The following STRBP variants were observed in gnomAD, a reference collection of about 807,000 sequenced individuals.
The protein encoded by STRBP is spermatid perinuclear RNA binding protein, also known as spermatid perinuclear RNA-binding protein.
Under a neutral mutation model 80.1 loss-of-function variants are expected in STRBP, and 13 were observed. That is an observed-to-expected ratio of 0.16 (90% confidence interval 0.11 to 0.26). STRBP has a LOEUF of 0.26. Ranked by LOEUF, STRBP falls within the 10% of genes least tolerant of loss-of-function variation. The probability of loss-of-function intolerance (pLI) is 1.00; values close to 1 mark genes in which losing one functional copy is unlikely to be tolerated. For missense variants in STRBP, 485 were observed against 815.2 expected, an observed-to-expected ratio of 0.59 and a Z score of 4.93; for synonymous variants, 284 against 291.2, an observed-to-expected ratio of 0.98 and a Z score of 0.25.
At chr9:123,261,171 G>A (rs540056794) in intron 1 of STRBP, among the ~76,000 whole-genome samples, 3 of 152,274 alleles carry the variant, frequency 2.0e-5, no homozygotes, top group East Asian at 1.9e-4. Context: ...TCCACCCAGT[G>A]CCAGTACTTT....
chr9:123,168,677 G>C (rs2037875417), intron 6 of STRBP, among the ~76,000 whole-genome samples: 1 of 152,188 alleles, frequency 6.6e-6, no homozygotes, highest in African/African-American at 2.4e-5. Context: ...AATAGCAACA[G>C]GGAGTCCCCA....
intron 14 of STRBP, among the ~76,000 whole-genome samples, chr9:123,139,024 C>G (rs1042625893): frequency 6.6e-6 from 1 of 152,148 alleles, no homozygotes; most frequent in Non-Finnish European, 1.5e-5. Context: ...AAGTTCCAGT[C>G]GGGACTTAAT....
intron 6 of STRBP, among the ~76,000 whole-genome samples, chr9:123,163,884 A>C (rs991928618): frequency 2.6e-5 from 4 of 152,170 alleles, no homozygotes; most frequent in Admixed American, 1.3e-4. Flanking sequence ...CTGATAACAC[A>C]TCTTGGAGTT....
At chr9:123,205,218 T>C (rs1210489705) in intron 2 of STRBP, among the ~76,000 whole-genome samples, 1 of 151,866 alleles carries the variant, frequency 6.6e-6, no homozygotes, top group East Asian at 1.9e-4. Flanking sequence ...GTGAGCCGAG[T>C]TTGCACCACT....
At chr9:123,129,033 A>T in intron 17 of STRBP, among the ~76,000 whole-genome samples, 1 of 152,198 alleles carries the variant, frequency 6.6e-6, no homozygotes. Context: ...CTTTTAGTAA[A>T]ACAGCTTAGA....
intron 2 of STRBP, among the ~76,000 whole-genome samples, chr9:123,192,453 AC>A (rs985529918): frequency 2.6e-4 from 39 of 152,310 alleles, no homozygotes; most frequent in African/African-American, 9.1e-4. Context: ...TTAAACTCAA[AC>A]AAAGGGCTGG....
At chr9:123,236,283 T>C (rs986654545) in intron 2 of STRBP, among the ~76,000 whole-genome samples, 2 of 152,214 alleles carry the variant, frequency 1.3e-5, no homozygotes, top group Non-Finnish European at 2.9e-5. Flanking sequence ...AAACATTAAG[T>C]GCCCCAATAT....
chr9:123,116,030 C>T (rs1253641136), exon 3 of STRBP: 2 of 456,124 alleles, frequency 4.4e-6, no homozygotes, highest in African/African-American at 4.0e-5. Flanking sequence ...TCCTGAGTTC[C>T]CCAGGTGCCA....
chr9:123,153,611 G>C (rs910480383), intron 11 of STRBP, among the ~76,000 whole-genome samples: 21 of 152,196 alleles, frequency 1.4e-4, no homozygotes, highest in African/African-American at 5.1e-4. Context: ...CAATGACTGG[G>C]ACAGGGATAA....
At chr9:123,128,069 A>C in intron 18 of STRBP, 145 bp downstream of exon 18, 1 of 1,013,186 alleles carries the variant, frequency 9.9e-7, no homozygotes, top group Non-Finnish European at 1.5e-6. Context: ...AGGTTGTGGC[A>C]TTTTCAAAAG....
Position 123,124,713 on chromosome 9 carries a change from T to C in STRBP, c.*884A>G, listed in dbSNP as rs1468188721. The C allele has an allele frequency of 1.0e-6, 1 of 984,286 alleles. No individual in the cohort carries two copies. Among genetic ancestry groups the C allele is most frequent in the South Asian group, 4.7e-5 (1 of 21,282 alleles). 61.0% of individuals were successfully genotyped at this position (984,286 alleles called of 1,614,324 possible). A position where few individuals can be genotyped will look rare whatever the true frequency, so the allele number is the denominator to read the frequency against. On this transcript the variant is annotated 3_prime_UTR_variant, in exon 19 of 19. Transcript: ENST00000348403. ...AGGCCACAAGAACAAGAGAGGGTGA[T>C]TGATTGATTAATTTATTATTTTTAA...
rs541382596 is a variant in STRBP, at chr9:123,169,851, AAAC to A, written c.535+48_535+50del. 1.0e-3 allele frequency: 1,150 copies of A among 1,115,374 alleles called. 7 individuals carry two copies. In the African/African-American group the frequency reaches 0.017, roughly 16 times the overall value. 69.1% of individuals were successfully genotyped at this position (1,115,374 alleles called of 1,614,324 possible). On this transcript the variant is annotated intron_variant, in intron 6 of 18. Transcript: ENST00000348403. ...AACATAGCTTTTATATGAAGAAAAC[AAAC>A]AACAACAACAAATATATACATATAT... is the stretch of plus-strand genomic sequence containing the variant.
At chr9:123,194,469 T>C (rs1180819682) in intron 2 of STRBP, among the ~76,000 whole-genome samples, 1 of 152,146 alleles carries the variant, frequency 6.6e-6, no homozygotes, top group Non-Finnish European at 1.5e-5. Context: ...TTCCCACATG[T>C]TGTAATAGCA....
In STRBP at chr9:123,217,671, A is replaced by C. The variant is rs199501343; in HGVS notation, c.-165+19159T>G. Reference sequence around the variant, plus strand: ...ACCTCCCTTAAAACTATAATTAGCTACTAGTTAGGTTATTTTCAATAAAGG... The same window carrying C: ...ACCTCCCTTAAAACTATAATTAGCTCCTAGTTAGGTTATTTTCAATAAAGG... On this transcript the variant is annotated intron_variant, in intron 2 of 18. Coordinates refer to ENST00000348403, the MANE Select transcript of STRBP (RefSeq NM_018387.5). Among the ~76,000 whole-genome samples the C allele has an allele frequency of 2.0e-5, 3 of 152,334 alleles. No individual in the cohort carries two copies. In the East Asian group the frequency reaches 5.8e-4, roughly 29 times the overall value.
intron 6 of STRBP, among the ~76,000 whole-genome samples, chr9:123,166,791 C>T (rs78473888): frequency 2.5e-5 from 3 of 120,154 alleles, no homozygotes; most frequent in Non-Finnish European, 1.7e-5. Context: ...ACAACAACAA[C>T]AAAAAAACAA....
At chr9:123,240,470 ATTTTCTCACAAAAAGTAG>A (rs2040670700) in intron 1 of STRBP, among the ~76,000 whole-genome samples, 1 of 152,180 alleles carries the variant, frequency 6.6e-6, no homozygotes, top group South Asian at 2.1e-4. Context: ...TCACTAGCTA[ATTTTCTCACAAAAAGTAG>A]TTTCTATTAT....
In STRBP at chr9:123,115,760, G is replaced by C. The variant is rs1193091087; in HGVS notation, c.*84+169C>G. 8.9e-6 allele frequency: 3 copies of C among 336,918 alleles called. No individual in the cohort carries two copies. Among genetic ancestry groups the C allele is most frequent in the African/African-American group, 2.2e-5 (1 of 46,498 alleles). 20.9% of individuals were successfully genotyped at this position (336,918 alleles called of 1,614,324 possible). A position where few individuals can be genotyped will look rare whatever the true frequency, so the allele number is the denominator to read the frequency against. On this transcript the variant is annotated intron_variant and NMD_transcript_variant, in intron 3 of 3. Coordinates refer to the STRBP transcript ENST00000471564. The surrounding 1 kb of genome is among the most constrained non-coding windows in gnomAD (Gnocchi z 5.0). ...CGTCCACACAACCGGCTTCTTGCTT[G>C]AACATGCTGGTTACAGGGAGCTCAT...
chr9:123,127,174 C>T (rs2035928345), intron 18 of STRBP, among the ~76,000 whole-genome samples: 1 of 152,206 alleles, frequency 6.6e-6, no homozygotes, highest in South Asian at 2.1e-4. Flanking sequence ...TATTCACTTT[C>T]TACTTATGTC....
intron 4 of STRBP, among the ~76,000 whole-genome samples, chr9:123,174,284 A>G (rs576609780): frequency 6.6e-6 from 1 of 152,266 alleles, no homozygotes; most frequent in Admixed American, 6.5e-5. Context: ...AAAAATGTAA[A>G]ACAATTAGCC....
Sources: allele counts gnomAD v4.1 joint callset (sites outside exome capture counted in the v4.1 genomes callset), GRCh38; gene constraint gnomAD v4.1.1; non-coding constraint Gnocchi (gnomAD v3.1); transcripts MANE v1.5; gene names NCBI Gene and HGNC (gene_info 2026-07-23, HGNC 2026-07-21).